GTF2F2: variants seen among roughly 807,000 people sequenced by gnomAD.
GTF2F2 encodes the protein general transcription factor IIF subunit 2.
In GTF2F2, 23 loss-of-function variants were observed where a neutral mutation model predicts 42.2. The ratio of observed to expected loss-of-function variants is 0.55; its 90% CI spans 0.39 to 0.77. GTF2F2 has a LOEUF of 0.77. Among genes scored for constraint, GTF2F2 ranks in the 30% least tolerant of loss-of-function variants. GTF2F2 has a pLI of 0.00. For missense variants in GTF2F2, 261 were observed against 287.2 expected, an observed-to-expected ratio of 0.91 and a Z score of 0.66; for synonymous variants, 105 against 100.8, an observed-to-expected ratio of 1.04 and a Z score of -0.25.
chr13:45,144,909 C>G (rs1870119353), intron 2 of GTF2F2, among the ~76,000 whole-genome samples: 1 of 152,150 alleles, frequency 6.6e-6, no homozygotes, highest in African/African-American at 2.4e-5. Context: ...AGTCTGGCAA[C>G]ATATATGTGT....
intron 1 of GTF2F2, chr13:45,124,223 T>C (rs1293755614): frequency 5.4e-5 from 18 of 332,002 alleles, no homozygotes; most frequent in Non-Finnish European, 1.0e-4. Flanking sequence ...GCTGGGACTA[T>C]AGGTGCCTGC....
intron 6 of GTF2F2, among the ~76,000 whole-genome samples, chr13:45,258,384 A>G (rs1231908734): frequency 6.6e-6 from 1 of 151,584 alleles, no homozygotes; most frequent in Non-Finnish European, 1.5e-5. Flanking sequence ...AAGAAGAAAA[A>G]TCTCCCTCCC....
At chr13:45,218,801 T>C (rs1316458613) in intron 5 of GTF2F2, among the ~76,000 whole-genome samples, 6 of 152,192 alleles carry the variant, frequency 3.9e-5, no homozygotes, top group Non-Finnish European at 4.4e-5. Flanking sequence ...AGCTTACTAT[T>C]AGGAAGAACT....
intron 2 of GTF2F2, among the ~76,000 whole-genome samples, chr13:45,143,065 C>T (rs1241813655): frequency 6.6e-6 from 1 of 151,712 alleles, no homozygotes; most frequent in Admixed American, 6.6e-5. Context: ...TAAGATCATT[C>T]AGTGGAGTGA....
At chr13:45,259,197 C>T (rs1876229074) in intron 6 of GTF2F2, among the ~76,000 whole-genome samples, 1 of 152,106 alleles carries the variant, frequency 6.6e-6, no homozygotes, top group African/African-American at 2.4e-5. Context: ...GAGGCCAAGG[C>T]AGGTGGATTA....
At chr13:45,216,448 A>T (rs574742591) in intron 5 of GTF2F2, among the ~76,000 whole-genome samples, 1 of 152,080 alleles carries the variant, frequency 6.6e-6, no homozygotes, top group Non-Finnish European at 1.5e-5. Context: ...CTCTCCTGAC[A>T]TACCCAAATG....
chr13:45,225,101 T>C (rs1391311933), intron 5 of GTF2F2, among the ~76,000 whole-genome samples: 1 of 152,142 alleles, frequency 6.6e-6, no homozygotes, highest in Non-Finnish European at 1.5e-5. Context: ...CAGGTCTGAG[T>C]TGGGACTAGA....
intron 6 of GTF2F2, among the ~76,000 whole-genome samples, chr13:45,265,481 G>A (rs1358186076): frequency 6.6e-6 from 1 of 152,032 alleles, no homozygotes; most frequent in Admixed American, 6.6e-5. Flanking sequence ...ATATCTTAGC[G>A]CAATGCCTAG....
chr13:45,160,523 A>G (rs9526042), intron 4 of GTF2F2, among the ~76,000 whole-genome samples: 26,066 of 152,200 alleles, frequency 0.17, 2,556 homozygotes, highest in Non-Finnish European at 0.22. Flanking sequence ...ATGATTTTGT[A>G]GCATCATACA....
chr13:45,147,576 G>A (rs1205892427), intron 2 of GTF2F2, among the ~76,000 whole-genome samples: 2 of 152,170 alleles, frequency 1.3e-5, no homozygotes, highest in Admixed American at 1.3e-4. Context: ...AGAGAAGCTG[G>A]AAATTCATAT....
intron 5 of GTF2F2, among the ~76,000 whole-genome samples, chr13:45,251,305 G>A (rs961427277): frequency 1.3e-5 from 2 of 151,922 alleles, no homozygotes; most frequent in African/African-American, 4.8e-5. Context: ...AATTTAAAAT[G>A]GAAATTGTTT....
chr13:45,179,642 A>G lies in GTF2F2; in HGVS notation c.305-27782A>G, dbSNP rs899941715. ...TCATGCCTTGGGAGGCTGTCTAAAC[A>G]AAGAGTCTCATTTTCCTTGTATTGG... On this transcript the variant is annotated intron_variant, in intron 4 of 7. Transcript: ENST00000340473. Among the ~76,000 whole-genome samples, 9 of 152,322 alleles carry G rather than the reference A, an allele frequency of 5.9e-5. No homozygotes were observed. In the South Asian group the frequency reaches 8.3e-4, roughly 14 times the overall value.
intron 5 of GTF2F2, among the ~76,000 whole-genome samples, chr13:45,212,208 A>G (rs368537671): frequency 2.0e-5 from 3 of 152,194 alleles, no homozygotes; most frequent in South Asian, 4.1e-4. Context: ...CATGCTCACA[A>G]TTTTTCAGGG....
intron 4 of GTF2F2, among the ~76,000 whole-genome samples, chr13:45,197,370 G>A (rs1194327545): frequency 2.0e-5 from 3 of 151,310 alleles, no homozygotes; most frequent in East Asian, 3.9e-4. Context: ...TAGCTGGGGT[G>A]TGTTGGTGTA....
chr13:45,224,340 A>G (rs1391563142), intron 5 of GTF2F2, among the ~76,000 whole-genome samples: 1 of 152,212 alleles, frequency 6.6e-6, no homozygotes, highest in African/African-American at 2.4e-5. Flanking sequence ...AATCCAGTTT[A>G]AAAATTCCAC....
In GTF2F2 at chr13:45,128,119, C is replaced by T. The variant is rs537810775; in HGVS notation, c.66+7398C>T. 7.4e-5 allele frequency among the ~76,000 whole-genome samples: 11 copies of T among 148,020 alleles called. No individual in the cohort carries two copies. In the South Asian group the frequency reaches 1.7e-3, roughly 23 times the overall value. ...GAGACTACAGGTGCCCGCCACCATG[C>T]CCGGCTAATTTTTTGTATTTTTAGT... On this transcript the variant is annotated intron_variant, in intron 1 of 7. Transcript: ENST00000340473.
intron 7 of GTF2F2, among the ~76,000 whole-genome samples, 159 bp downstream of exon 7, chr13:45,267,535 T>C (rs1030858114): frequency 2.0e-5 from 3 of 152,242 alleles, no homozygotes; most frequent in African/African-American, 7.2e-5. Flanking sequence ...CCATTTTTGG[T>C]AACATCAGCT....
At chr13:45,199,291 G>A (rs1225764537) in intron 4 of GTF2F2, among the ~76,000 whole-genome samples, 5 of 152,180 alleles carry the variant, frequency 3.3e-5, no homozygotes, top group Admixed American at 6.5e-5. Context: ...AAAAACATAA[G>A]GCACTATGTG....
chr13:45,245,698 T>TATATAC (rs1555271471), intron 5 of GTF2F2, among the ~76,000 whole-genome samples: 1 of 61,956 alleles, frequency 1.6e-5, no homozygotes, highest in Non-Finnish European at 2.9e-5. Flanking sequence ...TATATATATA[T>TATATAC]ATACATATAC....
Sources: allele counts gnomAD v4.1 joint callset (sites outside exome capture counted in the v4.1 genomes callset), GRCh38; gene constraint gnomAD v4.1.1; transcripts MANE v1.5; gene names NCBI Gene and HGNC (gene_info 2026-07-23, HGNC 2026-07-21).